Variants in PPM1L observed in about 807,000 individuals in gnomAD.
PPM1L encodes the protein protein phosphatase, Mg2+/Mn2+ dependent 1L.
A neutral mutation model predicts 31.4 loss-of-function variants in PPM1L; 13 were observed. The ratio of observed to expected loss-of-function variants is 0.41; its 90% CI spans 0.27 to 0.66. The LOEUF is 0.66. Ranked by LOEUF, PPM1L falls within the 30% of genes least tolerant of loss-of-function variation. The pLI is 0.29. For missense variants in PPM1L, 326 were observed against 453.7 expected (o/e 0.72, Z 2.56); for synonymous variants, 184 against 175.4 (o/e 1.05, Z -0.39).
chr3:160,982,660 G>A (rs757483747), intron 2 of PPM1L, among the ~76,000 whole-genome samples: 1 of 152,140 alleles, frequency 6.6e-6, no homozygotes, highest in Non-Finnish European at 1.5e-5. Flanking sequence ...GTTGCCTTTT[G>A]TATTGTGTAG....
At chr3:161,025,429 C>A (rs7628880) in intron 2 of PPM1L, among the ~76,000 whole-genome samples, 95,464 of 151,890 alleles carry the variant, frequency 0.63, 32,436 homozygotes, top group East Asian at 0.98. Context: ...TAAATTAGCC[C>A]GGCATGGTGG....
intron 2 of PPM1L, among the ~76,000 whole-genome samples, chr3:161,020,416 C>G (rs374525023): frequency 5.3e-5 from 8 of 152,184 alleles, no homozygotes; most frequent in African/African-American, 1.9e-4. Flanking sequence ...GGAAACTGAC[C>G]TTAACATAAG....
chr3:160,941,984 C>T (rs950053561), intron 1 of PPM1L, among the ~76,000 whole-genome samples: 4 of 152,200 alleles, frequency 2.6e-5, no homozygotes, highest in African/African-American at 9.7e-5. Context: ...TGAATTTTGA[C>T]AGTTGCTCAT....
intron 1 of PPM1L, among the ~76,000 whole-genome samples, chr3:160,930,757 T>C (rs752952899): frequency 2.6e-5 from 4 of 152,200 alleles, no homozygotes; most frequent in Non-Finnish European, 4.4e-5. Context: ...CACTTTCTGA[T>C]GGCCGTCTTC....
intron 2 of PPM1L, among the ~76,000 whole-genome samples, chr3:161,031,522 A>ATTTTTTTTTTTTTTTTTT (rs1718567300): frequency 3.2e-5 from 1 of 31,190 alleles, no homozygotes; most frequent in African/African-American, 2.8e-4. Flanking sequence ...TTTTTTTGAG[A>ATTTTTTTTTTTTTTTTTT]GAGAGTCTCA....
At chr3:160,859,027 A>G (rs1033729235) in intron 1 of PPM1L, among the ~76,000 whole-genome samples, 7 of 152,236 alleles carry the variant, frequency 4.6e-5, no homozygotes, top group Admixed American at 6.5e-5. Context: ...GGCAACCCAG[A>G]ATGGATGGAT....
At position 161,065,570 on chromosome 3, in the gene PPM1L, C is replaced by T. The variant is rs769713391; in HGVS notation, c.736+6C>T. 3 of 1,611,548 alleles carry T rather than the reference C, an allele frequency of 1.9e-6. No individual in the cohort carries two copies. Among genetic ancestry groups the T allele is most frequent in the Non-Finnish European group, 2.5e-6 (3 of 1,178,288 alleles). ...AAAGAGGATAAAGAGAGCAGGTGAG[C>T]TTGTGAACACCTCCAAGAAATGTCT... On this transcript the variant is annotated splice_donor_region_variant and intron_variant, in intron 3 of 3. Transcript: ENST00000498165.
At chr3:161,059,091 T>C (rs192214569) in intron 2 of PPM1L, among the ~76,000 whole-genome samples, 1 of 152,170 alleles carries the variant, frequency 6.6e-6, no homozygotes, top group African/African-American at 2.4e-5. Flanking sequence ...AAACAATAAT[T>C]ATTAGTCCAA....
Position 161,074,200 on chromosome 3 carries a change from C to G in PPM1L, c.*5043C>G, listed in dbSNP as rs1720030271. On this transcript the variant is annotated 3_prime_UTR_variant, in exon 4 of 4. Transcript: ENST00000498165. The stretch of plus-strand genomic sequence containing the variant: ...TGGATTCAGTGAAATAATTTGAAAT[C>G]AATTAGAGCTCATACCTTCTAAAAC... The G allele has an allele frequency of 6.6e-6, 1 of 152,160 alleles. No homozygotes were observed. Among genetic ancestry groups the G allele is most frequent in the Non-Finnish European group, 1.5e-5 (1 of 68,030 alleles). The allele number at this position is 152,160 out of a possible 1,614,324, so 9.4% of individuals were successfully genotyped here. A position where few individuals can be genotyped will look rare whatever the true frequency, so the allele number is the denominator to read the frequency against.
intron 2 of PPM1L, among the ~76,000 whole-genome samples, chr3:161,030,711 A>G (rs1718539101): frequency 1.3e-5 from 2 of 152,164 alleles, no homozygotes; most frequent in Non-Finnish European, 2.9e-5. Flanking sequence ...ATGTTTTTCA[A>G]AGCCATATAT....
At chr3:160,930,767 C>G (rs756701441) in intron 1 of PPM1L, among the ~76,000 whole-genome samples, 17 of 152,140 alleles carry the variant, frequency 1.1e-4, no homozygotes, top group Non-Finnish European at 2.5e-4. Flanking sequence ...TGGCCGTCTT[C>G]AGTTCTTACA....
At chr3:161,038,585 TA>T (rs35502476) in intron 2 of PPM1L, among the ~76,000 whole-genome samples, 1,324 of 110,572 alleles carry the variant, frequency 0.012, 28 homozygotes, top group African/African-American at 0.027. Context: ...GGATTTGTTT[TA>T]AAAAAAAAAA....
At chr3:160,956,898 A>G (rs1715792342) in intron 1 of PPM1L, among the ~76,000 whole-genome samples, 2 of 152,258 alleles carry the variant, frequency 1.3e-5, no homozygotes, top group South Asian at 4.1e-4. Context: ...GCATAGTGTC[A>G]AAGTATTGAG....
intron 2 of PPM1L, among the ~76,000 whole-genome samples, chr3:160,977,727 G>A (rs1716645412): frequency 6.6e-6 from 1 of 152,102 alleles, no homozygotes. Flanking sequence ...GAAAGCAAAT[G>A]TACTATCCAT....
chr3:160,976,825 C>T (rs909424709), intron 2 of PPM1L, among the ~76,000 whole-genome samples: 7 of 152,152 alleles, frequency 4.6e-5, no homozygotes, highest in African/African-American at 1.7e-4. Context: ...AAAAAACCAG[C>T]TCCTGGATTC....
At position 161,074,073 on chromosome 3, in the gene PPM1L, C is replaced by A. The variant is rs1466295259; in HGVS notation, c.*4916C>A. The A allele has an allele frequency of 3.9e-5, 6 of 152,142 alleles. No homozygotes were observed. The highest frequency in any genetic ancestry group is 3.9e-4 in the Admixed American group (6 of 15,280). 9.4% of individuals were successfully genotyped at this position (152,142 alleles called of 1,614,324 possible). ...AAAACAGAAATTTGATTTTAATTCA[C>A]TTTTGAAATTTTAACGATTTTTAAA... On this transcript the variant is annotated 3_prime_UTR_variant, in exon 4 of 4. Transcript: ENST00000498165.
In PPM1L at chr3:160,985,995, G is replaced by A. The variant is rs563824015; in HGVS notation, c.574+24085G>A. ...CTCCACCCACCCAAAAAAAAAAATA[G>A]CACCTCAAAGCTTTTGAGAGTCAGG... On this transcript the variant is annotated intron_variant, in intron 2 of 3. Transcript: ENST00000498165. 7.5e-5 allele frequency among the ~76,000 whole-genome samples: 11 copies of A among 146,558 alleles called. No homozygotes were observed. In the South Asian group the frequency reaches 2.1e-3, roughly 28 times the overall value.
At chr3:160,760,281 C>T (rs558616707) in intron 1 of PPM1L, among the ~76,000 whole-genome samples, 12 of 152,252 alleles carry the variant, frequency 7.9e-5, no homozygotes, top group East Asian at 7.7e-4. Flanking sequence ...AATTGGTATT[C>T]TGATTTGTAC....
rs140475142 is a variant in PPM1L at position 161,067,243 on chromosome 3, G to A, written c.737-1568G>A. On this transcript the variant is annotated intron_variant, in intron 3 of 3. Transcript: ENST00000498165. ...CTTCCCTGTCATACCCACTACCCAC[G>A]CCTGCACCCTATGTTGATTCTTTGT... is the stretch of plus-strand genomic sequence containing the variant. 3.8e-3 allele frequency among the ~76,000 whole-genome samples: 571 copies of A among 152,162 alleles called. 2 individuals carry two copies. Among genetic ancestry groups the A allele is most frequent in the Non-Finnish European group, 4.9e-3 (331 of 67,990 alleles).
Sources: allele counts gnomAD v4.1 joint callset (sites outside exome capture counted in the v4.1 genomes callset), GRCh38; gene constraint gnomAD v4.1.1; transcripts MANE v1.5; gene names NCBI Gene and HGNC (gene_info 2026-07-23, HGNC 2026-07-21).